ASCC3: variants seen among roughly 807,000 people sequenced by gnomAD.
ASCC3 encodes the protein activating signal cointegrator 1 complex subunit 3.
In ASCC3, 158 loss-of-function variants were observed where a neutral mutation model predicts 256.3. That is an observed-to-expected ratio of 0.62 (90% confidence interval 0.54 to 0.70). ASCC3 has a LOEUF of 0.70. ASCC3 is among the 30% of genes least tolerant of loss of function. ASCC3 has a pLI of 0.00. For missense variants in ASCC3, 2,259 were observed against 2,626.0 expected (o/e 0.86, Z 3.05); for synonymous variants, 948 against 883.4 (o/e 1.07, Z -1.30).
intron 36 of ASCC3, among the ~76,000 whole-genome samples, chr6:100,577,005 A>C (rs903196312): frequency 1.3e-5 from 2 of 151,660 alleles, no homozygotes; most frequent in Admixed American, 1.3e-4. Context: ...TAGTATCTGC[A>C]AGTATTAACA....
At position 100,651,577 on chromosome 6, in the gene ASCC3, C is replaced by A; in HGVS notation, c.3058G>T (p.Glu1020Ter). The change falls in exon 19 of 42, where the codon GAA (glutamate) becomes TAA (stop). Residue 1020 changes from glutamate to a stop codon, truncating the protein, a stop_gained. Transcript: ENST00000369162. LOFTEE classifies it high-confidence loss of function. Reference sequence around the variant, plus strand: ...AATCTTACCTTAATTTGATCAAATTCTTCAGCTTTGGAGACTATGGCAAAG... The same window carrying A: ...AATCTTACCTTAATTTGATCAAATTATTCAGCTTTGGAGACTATGGCAAAG... ...DIFAIVSKAE[E>*]FDQIKVREEE... 6 of 1,576,302 alleles carry A rather than the reference C, an allele frequency of 3.8e-6. No homozygotes were observed. The highest frequency in any genetic ancestry group is 5.2e-6 in the Non-Finnish European group (6 of 1,157,848).
intron 4 of ASCC3, among the ~76,000 whole-genome samples, chr6:100,826,583 C>T (rs1771322624): frequency 6.6e-6 from 1 of 152,128 alleles, no homozygotes; most frequent in Non-Finnish European, 1.5e-5. Context: ...GAATCTGACC[C>T]TCACAAGTTT....
At chr6:100,681,077 T>G (rs1264030148) in intron 13 of ASCC3, among the ~76,000 whole-genome samples, 1 of 152,192 alleles carries the variant, frequency 6.6e-6, no homozygotes, top group Non-Finnish European at 1.5e-5. Context: ...ATAGTAATCT[T>G]ATGTCTATAA....
chr6:100,798,063 G>C (rs776289968), intron 8 of ASCC3, among the ~76,000 whole-genome samples: 2 of 151,940 alleles, frequency 1.3e-5, no homozygotes, highest in Non-Finnish European at 2.9e-5. Context: ...GTTTTTGCTT[G>C]CCTGTATTAT....
chr6:100,801,401 A>C (rs1753932753), intron 5 of ASCC3, among the ~76,000 whole-genome samples: 1 of 152,102 alleles, frequency 6.6e-6, no homozygotes, highest in Non-Finnish European at 1.5e-5. Context: ...GCACAGTGCA[A>C]ATTATTTTAT....
At chr6:100,827,794 T>C (rs1771395023) in intron 4 of ASCC3, among the ~76,000 whole-genome samples, 1 of 152,092 alleles carries the variant, frequency 6.6e-6, no homozygotes, top group Non-Finnish European at 1.5e-5. Flanking sequence ...CACAGAAAAT[T>C]TTTTATTTTC....
At chr6:100,646,069 A>G (rs1775365207) in intron 22 of ASCC3, among the ~76,000 whole-genome samples, 1 of 152,114 alleles carries the variant, frequency 6.6e-6, no homozygotes, top group Admixed American at 6.5e-5. Context: ...AAAATCTTGA[A>G]TTTTTTGGAA....
At chr6:100,786,682 T>C (rs1037226132) in intron 8 of ASCC3, among the ~76,000 whole-genome samples, 4 of 152,180 alleles carry the variant, frequency 2.6e-5, no homozygotes, top group Non-Finnish European at 5.9e-5. Flanking sequence ...AGAGACTCTT[T>C]AGCTTCAGTT....
chr6:100,553,734 C>T (rs570547690), intron 36 of ASCC3, among the ~76,000 whole-genome samples: 1 of 152,232 alleles, frequency 6.6e-6, no homozygotes, highest in African/African-American at 2.4e-5. Context: ...CTTTTGTAAT[C>T]ACATCAAATG....
chr6:100,639,085 C>T (rs904555855), intron 24 of ASCC3, among the ~76,000 whole-genome samples: 1 of 152,134 alleles, frequency 6.6e-6, no homozygotes, highest in African/African-American at 2.4e-5. Flanking sequence ...TTTTTCCAAT[C>T]AGGAAAGTCA....
chr6:100,760,235 C>T (rs1781363617), intron 10 of ASCC3, among the ~76,000 whole-genome samples: 1 of 152,102 alleles, frequency 6.6e-6, no homozygotes, highest in Non-Finnish European at 1.5e-5. Context: ...TACTGGTTTT[C>T]AAAGGGAATG....
intron 16 of ASCC3, among the ~76,000 whole-genome samples, chr6:100,657,870 T>C (rs1775988758): frequency 6.6e-6 from 1 of 151,570 alleles, no homozygotes; most frequent in Non-Finnish European, 1.5e-5. Flanking sequence ...GAATGCCACC[T>C]AGTGACAAAA....
intron 29 of ASCC3, 146 bp from the exon 30 acceptor site, chr6:100,625,480 C>T: frequency 1.1e-6 from 1 of 922,998 alleles, no homozygotes; most frequent in Non-Finnish European, 1.7e-6. Flanking sequence ...CTACATGGAT[C>T]TGGCAGCATA....
intron 8 of ASCC3, among the ~76,000 whole-genome samples, chr6:100,776,239 T>C (rs1261548317): frequency 1.3e-5 from 2 of 152,126 alleles, no homozygotes; most frequent in African/African-American, 4.8e-5. Flanking sequence ...AATTATTTCT[T>C]AGCAAATCAG....
intron 28 of ASCC3, 54 bp downstream of exon 28, chr6:100,627,788 A>G (rs1328480266): frequency 6.2e-7 from 1 of 1,611,128 alleles, no homozygotes; most frequent in Non-Finnish European, 8.5e-7. Flanking sequence ...CTTAAAAGGA[A>G]TCATCAAAGT....
At position 100,589,486 on chromosome 6, in the gene ASCC3, T is replaced by C. The variant is rs1334859205; in HGVS notation, c.5550+148A>G. On this transcript the variant is annotated intron_variant, in intron 36 of 41. Transcript: ENST00000369162. The stretch of plus-strand genomic sequence containing the variant: ...TGTGGTCACCTTATCTATGGGTATC[T>C]TAGTCTAGATGTGTTGCTTTGTAGT... 4 of 851,794 alleles carry C rather than the reference T, an allele frequency of 4.7e-6. No homozygotes were observed. In the Admixed American group the frequency reaches 1.0e-4, roughly 22 times the overall value. The allele number at this position is 851,794 out of a possible 1,614,324, so 52.8% of individuals were successfully genotyped here.
chr6:100,840,323 A>G (rs1407119178), intron 4 of ASCC3, among the ~76,000 whole-genome samples: 1 of 151,990 alleles, frequency 6.6e-6, no homozygotes, highest in Non-Finnish European at 1.5e-5. Flanking sequence ...AATATTTAGC[A>G]TAAGAGTCTT....
chr6:100,746,615 T>C (rs553294398), intron 10 of ASCC3, among the ~76,000 whole-genome samples: 1 of 152,216 alleles, frequency 6.6e-6, no homozygotes, highest in South Asian at 2.1e-4. Flanking sequence ...ATTTGCACTT[T>C]TATAACATTC....
intron 20 of ASCC3, among the ~76,000 whole-genome samples, chr6:100,649,155 A>C (rs915035615): frequency 6.6e-6 from 1 of 151,810 alleles, no homozygotes; most frequent in Non-Finnish European, 1.5e-5. Context: ...ATGCTTTGAG[A>C]TATCCTTAAT....
Sources: allele counts gnomAD v4.1 joint callset (sites outside exome capture counted in the v4.1 genomes callset), GRCh38; gene constraint gnomAD v4.1.1; transcripts MANE v1.5; gene names NCBI Gene and HGNC (gene_info 2026-07-23, HGNC 2026-07-21).